Variants in SGCB observed in about 807,000 individuals in gnomAD.
SGCB encodes the protein sarcoglycan beta, also known as beta-sarcoglycan.
Under a neutral mutation model 27.3 loss-of-function variants are expected in SGCB, and 25 were observed. That is an observed-to-expected ratio of 0.92 (90% CI 0.67 to 1.28). The LOEUF (loss-of-function observed/expected upper bound fraction) is 1.28. SGCB is among the 50% of genes most tolerant of loss of function. The pLI is 0.00. For synonymous variants in SGCB, 147 were observed against 133.5 expected, an observed-to-expected ratio of 1.10 and a Z score of -0.70; for missense variants, 436 against 402.1, an observed-to-expected ratio of 1.08 and a Z score of -0.72.
intron 2 of SGCB, among the ~76,000 whole-genome samples, chr4:52,032,413 G>A (rs1417862831): frequency 6.6e-6 from 1 of 152,068 alleles, no homozygotes. Flanking sequence ...AGTTGCTTCC[G>A]ACTTTCTTCA....
chr4:52,038,118 C>T (rs1431691109), intron 1 of SGCB, 109 bp downstream of exon 1: 40 of 1,020,504 alleles, frequency 3.9e-5, no homozygotes, highest in Non-Finnish European at 4.8e-5. Flanking sequence ...GAACCCAGAC[C>T]CTGCGGCCCG....
At chr4:52,033,691 G>C (rs753882009) in intron 1 of SGCB, 51 bp from the exon 2 acceptor site, 4 of 1,408,470 alleles carry the variant, frequency 2.8e-6, no homozygotes, top group Non-Finnish European at 4.0e-6. Flanking sequence ...TCGTTTTGGT[G>C]CATTTATCTA....
chr4:52,028,819 T>C lies in SGCB; in HGVS notation c.532A>G (p.Ile178Val). The C allele has an allele frequency of 1.2e-6, 2 of 1,613,814 alleles. No homozygotes were observed. The highest frequency in any genetic ancestry group is 1.7e-6 in the Non-Finnish European group (2 of 1,179,720). Residue 178 changes from isoleucine to valine, a missense_variant, in exon 4 of 6, where the codon ATC (isoleucine) becomes GTC (valine). Ile to Val is a conservative substitution (Grantham distance 29, BLOSUM62 3). Coordinates refer to ENST00000381431, the MANE Select transcript of SGCB (RefSeq NM_000232.5). ...GTTTCATAGTCTGTGCTGAATAAGA[T>C]ATTTTGAGTCCTCGGGTCAAAAAAC... The part of the protein sequence containing the change: ...MQFFDPRTQN[I>V]LFSTDYETHE...
At chr4:52,028,520 C>T (rs750789760) in intron 4 of SGCB, among the ~76,000 whole-genome samples, 23 of 152,072 alleles carry the variant, frequency 1.5e-4, no homozygotes, top group Admixed American at 2.6e-4. Flanking sequence ...CCTGTAGTCC[C>T]AGCTACACGG....
intron 5 of SGCB, among the ~76,000 whole-genome samples, chr4:52,026,207 T>G (rs1305004151): frequency 2.6e-5 from 4 of 151,728 alleles, no homozygotes; most frequent in African/African-American, 9.7e-5. Context: ...TGCCATCTTG[T>G]GGTCATTTAA....
chr4:52,037,560 CAT>C (rs1229950357), intron 1 of SGCB, among the ~76,000 whole-genome samples: 1 of 152,156 alleles, frequency 6.6e-6, no homozygotes, highest in Admixed American at 6.5e-5. Context: ...AACACACACA[CAT>C]ATGCATGTAC....
intron 2 of SGCB, 104 bp from the exon 3 acceptor site, chr4:52,029,967 T>C: frequency 1.2e-6 from 1 of 857,426 alleles, no homozygotes; most frequent in Non-Finnish European, 1.9e-6. Context: ...CCTCCTAAAA[T>C]GTTTTATCAG....
At chr4:52,031,392 C>CTGTGTGTG (rs55972642) in intron 2 of SGCB, among the ~76,000 whole-genome samples, 2 of 140,152 alleles carry the variant, frequency 1.4e-5, no homozygotes, top group African/African-American at 2.9e-5. Flanking sequence ...CCATTCATCT[C>CTGTGTGTG]TGTGTGTGTG....
intron 2 of SGCB, among the ~76,000 whole-genome samples, chr4:52,030,992 A>G (rs1006883208): frequency 1.3e-5 from 2 of 152,150 alleles, no homozygotes; most frequent in Non-Finnish European, 2.9e-5. Context: ...CCAGGTCCCA[A>G]TGCTGCTTTT....
intron 5 of SGCB, among the ~76,000 whole-genome samples, chr4:52,025,043 C>A (rs1007322631): frequency 2.0e-5 from 3 of 152,074 alleles, no homozygotes; most frequent in Non-Finnish European, 4.4e-5. Flanking sequence ...TTAGGACTCT[C>A]TTGCTTTCTC....
At position 52,034,376 on chromosome 4, in the gene SGCB, A is replaced by AG. The variant is rs1560569181; in HGVS notation, c.34-737dup. On this transcript the variant is annotated intron_variant, in intron 1 of 5. Transcript: ENST00000381431. ...AAAAAAAAAAAAAAAAAAAAAAAAA[A>AG]GGGAATGGTTGCATTTGTACAGAAC... 2.2e-5 allele frequency among the ~76,000 whole-genome samples: 3 copies of AG among 135,556 alleles called. No individual in the cohort carries two copies. The East Asian group carries it at 6.4e-4, about 29-fold the overall frequency. The allele number at this position is 135,556 out of a possible 152,430, so 88.9% of individuals were successfully genotyped here.
chr4:52,027,420 C>T (rs1164462581), intron 5 of SGCB, among the ~76,000 whole-genome samples: 1 of 151,586 alleles, frequency 6.6e-6, no homozygotes, highest in African/African-American at 2.4e-5. Flanking sequence ...ATTAAAAATA[C>T]ATTTTTAATA....
At chr4:52,026,588 A>G (rs1001072864) in intron 5 of SGCB, among the ~76,000 whole-genome samples, 16 of 152,140 alleles carry the variant, frequency 1.1e-4, no homozygotes, top group African/African-American at 3.1e-4. Flanking sequence ...TTTTCAAAAA[A>G]GCAGTTTAAT....
At chr4:52,035,986 G>T (rs429664) in intron 1 of SGCB, among the ~76,000 whole-genome samples, 64,639 of 152,016 alleles carry the variant, frequency 0.43, 16,247 homozygotes, top group Non-Finnish European at 0.56. Context: ...TAAGCCAGGT[G>T]CTCCAAGCTA....
Position 52,033,534 on chromosome 4 carries a change from A to G in SGCB, c.140T>C (p.Ile47Thr), listed in dbSNP as rs763102674. Reference sequence around the variant, plus strand: ...TGTTTTGTGGAGACGATCTTCATCAATCGGAATGTATCCAGCTTTAAAGTT... The same window carrying G: ...TGTTTTGTGGAGACGATCTTCATCAGTCGGAATGTATCCAGCTTTAAAGTT... ...NSNFKAGYIP[I>T]DEDRLHKTGL... is the part of the protein sequence containing the mutation. Residue 47 changes from isoleucine to threonine, a missense_variant, in exon 2 of 6, where the codon ATT becomes ACT. Transcript: ENST00000381431. The G allele has an allele frequency of 6.2e-6, 10 of 1,613,656 alleles. No individual in the cohort carries two copies. The Admixed American group carries it at 8.3e-5, about 13-fold the overall frequency.
rs1189960395 is a variant in SGCB, at chr4:52,028,727, T to C, written c.621+3A>G. 1.9e-6 allele frequency: 3 copies of C among 1,598,928 alleles called. No individual in the cohort carries two copies. The highest frequency in any genetic ancestry group is 1.7e-5 in the Admixed American group (1 of 59,980). Reference sequence around the variant, plus strand: ...TTAGTAAAACAAAGCCAATAAATCATACCCTTTCAGTAGATGCCTTTTGAA... The same window carrying C: ...TTAGTAAAACAAAGCCAATAAATCACACCCTTTCAGTAGATGCCTTTTGAA... On this transcript the variant is annotated splice_donor_region_variant and intron_variant, in intron 4 of 5. Transcript: ENST00000381431.
intron 2 of SGCB, 70 bp downstream of exon 2, chr4:52,033,361 A>G (rs924394519): frequency 3.1e-6 from 3 of 959,804 alleles, no homozygotes; most frequent in African/African-American, 1.6e-5. Context: ...AATAAAGTCT[A>G]TGATTTCACT....
chr4:52,025,619 C>T (rs191844009), intron 5 of SGCB, among the ~76,000 whole-genome samples: 14 of 152,280 alleles, frequency 9.2e-5, no homozygotes, highest in African/African-American at 2.9e-4. Context: ...CCAAATTATA[C>T]GGGAAGCATT....
rs711350 is a variant in SGCB, at chr4:52,029,485, T to G, written c.429+193A>C. Among the ~76,000 whole-genome samples, 19,095 of 152,164 alleles carry G rather than the reference T, an allele frequency of 0.13. 1,337 individuals are homozygous for G. Among genetic ancestry groups the G allele is most frequent in the Middle Eastern group, 0.21 (61 of 292 alleles). ...TTAACAGATGATAAAAGCAATAGTA[T>G]TATTAAATATTAATATTTATGGATG... On this transcript the variant is annotated intron_variant, in intron 3 of 5. Transcript: ENST00000381431.
Sources: allele counts gnomAD v4.1 joint callset (sites outside exome capture counted in the v4.1 genomes callset), GRCh38; gene constraint gnomAD v4.1.1; transcripts MANE v1.5; gene names NCBI Gene and HGNC (gene_info 2026-07-23, HGNC 2026-07-21).